Variants in PPEF2 observed in about 807,000 individuals in gnomAD.
PPEF2 encodes the protein protein phosphatase with EF-hand domain 2.
Under a neutral mutation model 84.7 loss-of-function variants are expected in PPEF2, and 84 were observed. That is an observed-to-expected ratio of 0.99 (90% CI 0.83 to 1.19). The LOEUF is 1.19. Ranked by LOEUF, PPEF2 falls within the 50% of genes most tolerant of loss-of-function variation. PPEF2 has a pLI of 0.00. For synonymous variants in PPEF2, 346 were observed against 345.2 expected (o/e 1.00, Z -0.03); for missense variants, 924 against 937.5 (o/e 0.99, Z 0.19).
rs199878900 is a variant in PPEF2 at position 75,900,855 on chromosome 4, T to C, written c.-59+1375A>G. ...TGACAAAGAACAAGGCAAGTCGATATGTAATCATATGAAAACGGCCCCAAG... is the reference window on the plus strand; with the variant it reads ...TGACAAAGAACAAGGCAAGTCGATACGTAATCATATGAAAACGGCCCCAAG... On this transcript the variant is annotated intron_variant, in intron 1 of 16. Coordinates refer to ENST00000286719, the MANE Select transcript of PPEF2 (RefSeq NM_006239.3). 8.5e-5 allele frequency among the ~76,000 whole-genome samples: 13 copies of C among 152,236 alleles called. No homozygotes were observed. In the East Asian group the frequency reaches 1.9e-3, roughly 23 times the overall value.
chr4:75,860,605 A>G lies in PPEF2; in HGVS notation c.*62T>C. 6.3e-7 allele frequency: 1 copy of G among 1,584,184 alleles called. No individual in the cohort carries two copies. The highest frequency in any genetic ancestry group is 1.7e-5 in the Admixed American group (1 of 58,814). ...GTTTCACATGGAGAATAAGGGAGAT[A>G]GTCTAGTGAGAAGCTGAGCATTGCC... On this transcript the variant is annotated 3_prime_UTR_variant, in exon 17 of 17. Transcript: ENST00000286719.
At chr4:75,871,195 C>G (rs948467513) in intron 13 of PPEF2, among the ~76,000 whole-genome samples, 5 of 152,150 alleles carry the variant, frequency 3.3e-5, no homozygotes, top group Non-Finnish European at 7.3e-5. Context: ...GCTGGGATTA[C>G]AGGCGTGAGC....
At position 75,866,182 on chromosome 4, in the gene PPEF2, C is replaced by T. The variant is rs1332527837; in HGVS notation, c.1920+7G>A. On this transcript the variant is annotated splice_region_variant and intron_variant, in intron 15 of 16. Transcript: ENST00000286719. ...TGTGCTCTCATCCACCATTACCACACCGTTACCTCGCGACTCAGTTGTTCC... is the reference window on the plus strand; with the variant it reads ...TGTGCTCTCATCCACCATTACCACATCGTTACCTCGCGACTCAGTTGTTCC... 1.2e-6 allele frequency: 2 copies of T among 1,607,040 alleles called. No individual in the cohort carries two copies. Among genetic ancestry groups the T allele is most frequent in the Non-Finnish European group, 1.7e-6 (2 of 1,176,102 alleles).
intron 16 of PPEF2, among the ~76,000 whole-genome samples, chr4:75,861,762 A>G (rs1724007240): frequency 7.1e-6 from 1 of 139,906 alleles, no homozygotes; most frequent in Non-Finnish European, 1.5e-5. Context: ...GGCACCCGCC[A>G]CCACTCCCGG....
intron 1 of PPEF2, among the ~76,000 whole-genome samples, chr4:75,898,363 T>C (rs933711220): frequency 3.3e-5 from 5 of 152,254 alleles, no homozygotes; most frequent in African/African-American, 1.2e-4. Context: ...CTTCAAACTC[T>C]GTGCTTTAAC....
chr4:75,864,378 T>G, intron 16 of PPEF2, 62 bp downstream of exon 16: 1 of 1,256,080 alleles, frequency 8.0e-7, no homozygotes, highest in Non-Finnish European at 1.2e-6. Flanking sequence ...GGAAGGAGAT[T>G]AAGGGTTTAA....
At chr4:75,866,915 T>A (rs994928600) in intron 14 of PPEF2, among the ~76,000 whole-genome samples, 1 of 152,230 alleles carries the variant, frequency 6.6e-6, no homozygotes, top group Non-Finnish European at 1.5e-5. Context: ...TTCCATTAGT[T>A]GAGCAGACAA....
intron 3 of PPEF2, 46 bp downstream of exon 3, chr4:75,891,805 G>T: frequency 1.9e-6 from 3 of 1,599,918 alleles, no homozygotes; most frequent in Non-Finnish European, 2.6e-6. Context: ...GAGCCCTGCT[G>T]CCCAAGGGAG....
chr4:75,882,578 T>TTTTA (rs1724605689), intron 10 of PPEF2, among the ~76,000 whole-genome samples: 1 of 150,558 alleles, frequency 6.6e-6, no homozygotes, highest in African/African-American at 2.4e-5. Context: ...ACTGTGTCCC[T>TTTTA]GCAAGATGGA....
chr4:75,890,483 T>C (rs6820784), intron 4 of PPEF2, among the ~76,000 whole-genome samples: 21,949 of 94,912 alleles, frequency 0.23, 1,874 homozygotes, highest in Non-Finnish European at 0.26. Flanking sequence ...AGTGAGACCC[T>C]GTCTCAAAAA....
At chr4:75,899,751 G>C (rs1725079703) in intron 1 of PPEF2, among the ~76,000 whole-genome samples, 1 of 148,214 alleles carries the variant, frequency 6.7e-6, no homozygotes, top group Admixed American at 7.1e-5. Context: ...CTGAGTTTGG[G>C]GTAAAGTGAG....
At chr4:75,866,081 C>T (rs950246853) in intron 15 of PPEF2, 108 bp downstream of exon 15, 18 of 1,251,922 alleles carry the variant, frequency 1.4e-5, no homozygotes, top group Non-Finnish European at 2.0e-5. Context: ...CCCTTTCTCA[C>T]CCATCCAGCT....
intron 2 of PPEF2, among the ~76,000 whole-genome samples, chr4:75,894,037 T>C (rs1724953598): frequency 6.6e-6 from 1 of 152,138 alleles, no homozygotes; most frequent in Non-Finnish European, 1.5e-5. Context: ...GGGCCATGTG[T>C]AAACTAAATT....
intron 11 of PPEF2, among the ~76,000 whole-genome samples, chr4:75,873,909 C>A (rs557157905): frequency 1.5e-4 from 23 of 151,760 alleles, no homozygotes; most frequent in African/African-American, 5.3e-4. Flanking sequence ...GAGTTCAAGA[C>A]CAGCCTGGTC....
chr4:75,861,107 G>A (rs185713787), intron 16 of PPEF2, among the ~76,000 whole-genome samples, 187 bp from the exon 17 acceptor site: 54 of 152,276 alleles, frequency 3.5e-4, no homozygotes, highest in African/African-American at 1.2e-3. Context: ...TCAGCTGGGA[G>A]TAATTGTGCT....
intron 10 of PPEF2, 26 bp from the exon 11 acceptor site, chr4:75,876,699 G>C (rs759723636): frequency 5.3e-6 from 8 of 1,512,806 alleles, no homozygotes; most frequent in Non-Finnish European, 7.1e-6. Context: ...AAGAGATACA[G>C]ATGCTGGAAT....
intron 1 of PPEF2, among the ~76,000 whole-genome samples, chr4:75,900,263 A>C (rs1725090572): frequency 6.6e-6 from 1 of 152,216 alleles, no homozygotes. Flanking sequence ...TGAATTTATA[A>C]ATTCAAAAAT....
At position 75,867,433 on chromosome 4, in the gene PPEF2, T is replaced by A. The variant is rs1724158455; in HGVS notation, c.1650-14A>T. On this transcript the variant is annotated splice_polypyrimidine_tract_variant and intron_variant, in intron 13 of 16. Coordinates refer to ENST00000286719, the MANE Select transcript of PPEF2 (RefSeq NM_006239.3). ...ACTCTGCTAATCCTGGGACAGGAGATGAAAAGCGACATTTTAACACACTGG... is the reference window on the plus strand; with the variant it reads ...ACTCTGCTAATCCTGGGACAGGAGAAGAAAAGCGACATTTTAACACACTGG... The A allele has an allele frequency of 5.1e-6, 8 of 1,571,612 alleles. No homozygotes were observed. The highest frequency in any genetic ancestry group is 7.0e-6 in the Non-Finnish European group (8 of 1,144,186).
chr4:75,864,195 T>G (rs544372474), intron 16 of PPEF2, among the ~76,000 whole-genome samples: 2 of 152,314 alleles, frequency 1.3e-5, no homozygotes, highest in Admixed American at 1.3e-4. Flanking sequence ...CTAATAATTA[T>G]TCTTCCTATA....
Sources: allele counts gnomAD v4.1 joint callset (sites outside exome capture counted in the v4.1 genomes callset), GRCh38; gene constraint gnomAD v4.1.1; transcripts MANE v1.5; gene names NCBI Gene and HGNC (gene_info 2026-07-23, HGNC 2026-07-21).